The following CCDC91 variants were observed in gnomAD, a reference collection of about 807,000 sequenced individuals.
CCDC91 encodes the protein coiled-coil domain-containing protein 91.
Under a neutral mutation model 63.2 loss-of-function variants are expected in CCDC91, and 48 were observed. The observed-to-expected ratio is 0.76, with a 90% CI of 0.60 to 0.97. The LOEUF (loss-of-function observed/expected upper bound fraction) is 0.97, where lower values mean the gene tolerates loss of function less well. CCDC91 is among the 50% of genes least tolerant of loss of function. The pLI is 0.00. For missense variants in CCDC91, 500 were observed against 494.6 expected, an observed-to-expected ratio of 1.01 and a Z score of -0.10; for synonymous variants, 167 against 165.8, an observed-to-expected ratio of 1.01 and a Z score of -0.06.
intron 6 of CCDC91, among the ~76,000 whole-genome samples, chr12:28,359,221 T>C (rs1295874817): frequency 6.6e-6 from 1 of 152,218 alleles, no homozygotes; most frequent in East Asian, 1.9e-4. Context: ...TAATAACTAA[T>C]GTCATTATTC....
At chr12:28,227,890 C>CA (rs148787056) in intron 1 of CCDC91, among the ~76,000 whole-genome samples, 2,325 of 152,150 alleles carry the variant, frequency 0.015, 44 homozygotes, top group African/African-American at 0.051. Context: ...TACTTGATCT[C>CA]ACTATAGCAT....
intron 11 of CCDC91, among the ~76,000 whole-genome samples, chr12:28,474,339 T>G (rs1260072551): frequency 6.6e-6 from 1 of 152,082 alleles, no homozygotes; most frequent in African/African-American, 2.4e-5. Flanking sequence ...ATCACTATAG[T>G]TTGTAATGCA....
intron 6 of CCDC91, among the ~76,000 whole-genome samples, chr12:28,334,237 G>A (rs1363274081): frequency 6.6e-6 from 1 of 152,090 alleles, no homozygotes; most frequent in East Asian, 1.9e-4. Context: ...TGCAGATATG[G>A]ATATCTGGTG....
At chr12:28,275,182 C>G (rs1214640330) in intron 3 of CCDC91, among the ~76,000 whole-genome samples, 2 of 152,010 alleles carry the variant, frequency 1.3e-5, no homozygotes, top group African/African-American at 2.4e-5. Flanking sequence ...AATCCAGGAG[C>G]TGGTTTTTTG....
chr12:28,331,631 G>A (rs1941521663), intron 6 of CCDC91, among the ~76,000 whole-genome samples: 1 of 152,132 alleles, frequency 6.6e-6, no homozygotes, highest in Non-Finnish European at 1.5e-5. Flanking sequence ...CCAGAGCTAG[G>A]AGATAGTTCA....
chr12:28,219,490 G>A (rs993713419), intron 1 of CCDC91, among the ~76,000 whole-genome samples: 1 of 33,282 alleles, frequency 3.0e-5, no homozygotes, highest in African/African-American at 1.3e-4. Context: ...TTTTTTTTTT[G>A]AGATGGAGTC....
intron 8 of CCDC91, among the ~76,000 whole-genome samples, chr12:28,396,674 GT>G (rs1565908682): frequency 6.7e-6 from 1 of 149,968 alleles, no homozygotes; most frequent in African/African-American, 2.5e-5. Flanking sequence ...GTGTGTGTGT[GT>G]GTGTGGGCAT....
At chr12:28,301,330 A>C (rs115346254) in intron 3 of CCDC91, among the ~76,000 whole-genome samples, 1 of 151,336 alleles carries the variant, frequency 6.6e-6, no homozygotes, top group African/African-American at 2.4e-5. Flanking sequence ...TAATCATATA[A>C]TTTTTTTTAA....
At position 28,248,999 on chromosome 12, in the gene CCDC91, G is replaced by T. The variant is rs76806092; in HGVS notation, c.-14-8203G>T. On this transcript the variant is annotated intron_variant, in intron 1 of 12. Coordinates refer to ENST00000536442, the MANE Select transcript of CCDC91 (RefSeq NM_018318.5). ...TGAGTTGTAATAGCTGAGTACAGAT[G>T]CTGGTAGCTATAGTTTTGGTAACAA... Among the ~76,000 whole-genome samples, 313 of 152,298 alleles carry T rather than the reference G, an allele frequency of 2.1e-3. 2 individuals carry two copies. Among genetic ancestry groups the T allele is most frequent in the African/African-American group, 7.1e-3 (295 of 41,560 alleles).
At chr12:28,504,011 A>C (rs911513582) in intron 12 of CCDC91, among the ~76,000 whole-genome samples, 7 of 152,190 alleles carry the variant, frequency 4.6e-5, no homozygotes, top group Admixed American at 1.3e-4. Context: ...GGTACAGCAC[A>C]CCAGCATGGC....
At chr12:28,547,531 C>T (rs1299439565) in intron 12 of CCDC91, among the ~76,000 whole-genome samples, 1 of 152,064 alleles carries the variant, frequency 6.6e-6, no homozygotes, top group Non-Finnish European at 1.5e-5. Context: ...GACAAGATTT[C>T]TGCGTACCTG....
At chr12:28,492,553 T>TC (rs916966193) in intron 12 of CCDC91, among the ~76,000 whole-genome samples, 7 of 151,448 alleles carry the variant, frequency 4.6e-5, no homozygotes, top group African/African-American at 1.7e-4. Flanking sequence ...CTTGTCAACT[T>TC]CCTGTATACT....
Position 28,244,958 on chromosome 12 carries a change from A to G in CCDC91, c.-14-12244A>G, listed in dbSNP as rs193069884. 2.0e-5 allele frequency among the ~76,000 whole-genome samples: 3 copies of G among 152,318 alleles called. No homozygotes were observed. The East Asian group carries it at 5.8e-4, about 29-fold the overall frequency. On this transcript the variant is annotated intron_variant, in intron 1 of 12. Transcript: ENST00000536442. ...TGGATTGTTATTATAGTAACAACAAATAACTAGAAAGTATAAAAGAAGACA... is the reference window on the plus strand; with the variant it reads ...TGGATTGTTATTATAGTAACAACAAGTAACTAGAAAGTATAAAAGAAGACA...
rs772867772 is a variant in CCDC91, at chr12:28,549,102, G to T, written c.1255G>T (p.Glu419Ter). The change falls in exon 13 of 13, where the codon GAA becomes TAA. Residue 419 changes from glutamate (E) to a stop codon, truncating the protein, a stop_gained. Coordinates refer to ENST00000536442, the MANE Select transcript of CCDC91 (RefSeq NM_018318.5). LOFTEE classifies it high-confidence loss of function. ...VIRQRSLSSL[E>*]LFLSCAQKQL... ...CCGCCAAAGAAGCCTGTCCAGTTTG[G>T]AACTGTTCCTCTCCTGTGCACAGAA... 1 of 1,612,780 alleles carries T rather than the reference G, an allele frequency of 6.2e-7. No individual in the cohort carries two copies. The highest frequency in any genetic ancestry group is 2.2e-5 in the East Asian group (1 of 44,790).
At chr12:28,509,420 G>A (rs1418151612) in intron 12 of CCDC91, among the ~76,000 whole-genome samples, 2 of 151,580 alleles carry the variant, frequency 1.3e-5, no homozygotes, top group East Asian at 3.9e-4. Flanking sequence ...TGGTAGTAGT[G>A]GAATTGCATG....
At chr12:28,317,681 A>AT (rs1241291505) in intron 6 of CCDC91, among the ~76,000 whole-genome samples, 1 of 151,736 alleles carries the variant, frequency 6.6e-6, no homozygotes, top group East Asian at 1.9e-4. Context: ...TTATTTTTTA[A>AT]TTTTTTTAGA....
At chr12:28,499,704 A>G (rs1952520334) in intron 12 of CCDC91, among the ~76,000 whole-genome samples, 1 of 152,268 alleles carries the variant, frequency 6.6e-6, no homozygotes, top group Non-Finnish European at 1.5e-5. Flanking sequence ...ATAGTATTCC[A>G]TGGTGTATAT....
intron 11 of CCDC91, among the ~76,000 whole-genome samples, chr12:28,458,805 G>C (rs1291390263): frequency 6.6e-6 from 1 of 151,862 alleles, no homozygotes; most frequent in Non-Finnish European, 1.5e-5. Context: ...CTTCAAACCT[G>C]TTATCTTTGT....
intron 1 of CCDC91, among the ~76,000 whole-genome samples, chr12:28,240,903 C>T (rs1392607367): frequency 3.3e-5 from 5 of 152,092 alleles, no homozygotes; most frequent in East Asian, 1.9e-4. Flanking sequence ...ATTGCTTGCC[C>T]TTATAGGAGG....
Sources: allele counts gnomAD v4.1 joint callset (sites outside exome capture counted in the v4.1 genomes callset), GRCh38; gene constraint gnomAD v4.1.1; transcripts MANE v1.5; gene names NCBI Gene and HGNC (gene_info 2026-07-23, HGNC 2026-07-21).